The following FGF12 variants were observed in gnomAD, a reference collection of about 807,000 sequenced individuals.
FGF12 encodes fibroblast growth factor 12, also known as fibroblast growth factor 12B.
Under a neutral mutation model 23.6 loss-of-function variants are expected in FGF12, and 14 were observed. The observed-to-expected ratio is 0.59, with a 90% CI of 0.39 to 0.93. FGF12 has a LOEUF of 0.93. Ranked by LOEUF, FGF12 falls within the 40% of genes least tolerant of loss-of-function variation. The pLI, the probability that FGF12 is intolerant of heterozygous loss-of-function variation, is 0.00. For synonymous variants in FGF12, 62 were observed against 77.3 expected (o/e 0.80, Z 1.04); for missense variants, 175 against 217.8 (o/e 0.80, Z 1.24).
In FGF12 at chr3:192,382,534, T is replaced by TA. The variant is rs71635385; in HGVS notation, c.14-21997dup. On this transcript the variant is annotated intron_variant, in intron 2 of 5. Coordinates refer to ENST00000445105, the MANE Select transcript of FGF12 (RefSeq NM_004113.6). ...TGGTCTTCTCTATTACCTATAGCAA[T>TA]AAAAAAAAAATACGTTGGTATAAAA... is the stretch of plus-strand genomic sequence containing the variant. Among the ~76,000 whole-genome samples, 309 of 147,210 alleles carry TA rather than the reference T, an allele frequency of 2.1e-3. 3 individuals carry two copies. The highest frequency in any genetic ancestry group is 7.1e-3 in the African/African-American group (286 of 40,340).
chr3:192,485,024 G>A (rs1723592225), intron 2 of FGF12, among the ~76,000 whole-genome samples: 1 of 151,288 alleles, frequency 6.6e-6, no homozygotes, highest in Non-Finnish European at 1.5e-5. Context: ...AATTTTATAT[G>A]TGTACACATA....
chr3:192,457,940 T>C (rs745574545), intron 2 of FGF12, among the ~76,000 whole-genome samples: 2 of 152,172 alleles, frequency 1.3e-5, no homozygotes, highest in Non-Finnish European at 2.9e-5. Flanking sequence ...AGAGACTTGG[T>C]GCCCTCTGTC....
intron 4 of FGF12, among the ~76,000 whole-genome samples, chr3:192,208,851 G>A (rs1450871580): frequency 1.3e-5 from 2 of 152,152 alleles, no homozygotes; most frequent in African/African-American, 4.8e-5. Flanking sequence ...ATCTAACTTA[G>A]CTACTGTCTA....
chr3:192,554,791 G>GAAAAA (rs34936489), intron 2 of FGF12, among the ~76,000 whole-genome samples: 1 of 148,188 alleles, frequency 6.7e-6, no homozygotes. Flanking sequence ...ATGAGCTAAG[G>GAAAAA]AAAAAAAAAA....
intron 2 of FGF12, among the ~76,000 whole-genome samples, chr3:192,542,476 T>C (rs1018422193): frequency 6.6e-6 from 1 of 152,244 alleles, no homozygotes; most frequent in Non-Finnish European, 1.5e-5. Context: ...ATCACATATC[T>C]CTGTCTCTCT....
In FGF12 at chr3:192,408,695, C is replaced by T; in HGVS notation, c.14-48157G>A. 2.0e-6 allele frequency: 2 copies of T among 989,520 alleles called. No individual in the cohort carries two copies. Among genetic ancestry groups the T allele is most frequent in the Non-Finnish European group, 2.4e-6 (2 of 832,970 alleles). 61.3% of individuals were successfully genotyped at this position (989,520 alleles called of 1,614,324 possible). A position where few individuals can be genotyped will look rare whatever the true frequency, so the allele number is the denominator to read the frequency against. ...ACCTACACATACATACATAGAAAAC[C>T]CGTTTACAAAGCAGAGTCTGGACCC... On this transcript the variant is annotated intron_variant, in intron 2 of 5. Coordinates refer to ENST00000445105, the MANE Select transcript of FGF12 (RefSeq NM_004113.6). This position sits in a 1 kb window ranked among gnomAD's most constrained non-coding sequence, Gnocchi z 7.3.
At chr3:192,147,766 G>A (rs1160319155) in intron 5 of FGF12, among the ~76,000 whole-genome samples, 2 of 151,968 alleles carry the variant, frequency 1.3e-5, no homozygotes, top group Non-Finnish European at 2.9e-5. Context: ...TAAGAGTTTT[G>A]AATAAAATCA....
At chr3:192,682,788 G>A (rs985208143) in intron 2 of FGF12, among the ~76,000 whole-genome samples, 6 of 152,184 alleles carry the variant, frequency 3.9e-5, no homozygotes, top group African/African-American at 1.4e-4. Context: ...TTAGAGGGTT[G>A]CAACTTTGAG....
chr3:192,555,400 A>G (rs1711718854), intron 2 of FGF12, among the ~76,000 whole-genome samples: 1 of 152,200 alleles, frequency 6.6e-6, no homozygotes, highest in South Asian at 2.1e-4. Context: ...CTATAAAAGT[A>G]GTGCATAAAT....
chr3:192,352,612 T>C (rs1385202819), intron 3 of FGF12, among the ~76,000 whole-genome samples: 1 of 152,210 alleles, frequency 6.6e-6, no homozygotes, highest in Non-Finnish European at 1.5e-5. Context: ...GTGTATGAGC[T>C]CCTTGAAAAC....
rs139018710 is a variant in FGF12 at position 192,474,916 on chromosome 3, G to T, written c.14-114378C>A. On this transcript the variant is annotated intron_variant, in intron 2 of 5. Coordinates refer to ENST00000445105, the MANE Select transcript of FGF12 (RefSeq NM_004113.6). Reference sequence around the variant, plus strand: ...AAAAAAAAAAGAAAGAAAGGAAAAAGAAAAACAAAACAAAGCCCACAAAGA... The same window carrying T: ...AAAAAAAAAAGAAAGAAAGGAAAAATAAAAACAAAACAAAGCCCACAAAGA... Among the ~76,000 whole-genome samples, 1,260 of 149,678 alleles carry T rather than the reference G, an allele frequency of 8.4e-3. 16 individuals carry two copies. Among genetic ancestry groups the T allele is most frequent in the Middle Eastern group, 0.052 (15 of 290 alleles).
chr3:192,630,433 C>T (rs1715340364), intron 2 of FGF12, among the ~76,000 whole-genome samples: 1 of 150,570 alleles, frequency 6.6e-6, no homozygotes, highest in Non-Finnish European at 1.5e-5. Flanking sequence ...GAAATCAGGG[C>T]TAAAAAAAAA....
intron 2 of FGF12, among the ~76,000 whole-genome samples, chr3:192,613,136 AG>A (rs1318373851): frequency 6.6e-6 from 1 of 151,906 alleles, no homozygotes; most frequent in African/African-American, 2.4e-5. Context: ...CAAAGCAAAA[AG>A]TCTTGCTGAC....
intron 2 of FGF12, among the ~76,000 whole-genome samples, chr3:192,547,172 T>G (rs1725516146): frequency 6.6e-6 from 1 of 152,192 alleles, no homozygotes; most frequent in African/African-American, 2.4e-5. Context: ...GTGATGACTC[T>G]TTGGCTTTTT....
Position 192,336,452 on chromosome 3 carries a change from G to T in FGF12, c.125-988C>A, listed in dbSNP as rs6798854. Among the ~76,000 whole-genome samples the T allele has an allele frequency of 6.6e-6, 1 of 151,820 alleles. No homozygotes were observed. The highest frequency in any genetic ancestry group is 2.1e-4 in the South Asian group (1 of 4,806). ...TTATTTCAGTTACTTTTGAGATCAC[G>T]AAATGAGCATAAACAGAAAACACTG... is the stretch of plus-strand genomic sequence containing the variant. On this transcript the variant is annotated intron_variant, in intron 3 of 5. Coordinates refer to ENST00000445105, the MANE Select transcript of FGF12 (RefSeq NM_004113.6). The surrounding 1 kb of genome is among the most constrained non-coding windows in gnomAD (Gnocchi z 4.3).
chr3:192,357,834 G>A (rs1462793203), intron 3 of FGF12, among the ~76,000 whole-genome samples: 1 of 152,182 alleles, frequency 6.6e-6, no homozygotes, highest in Non-Finnish European at 1.5e-5. Flanking sequence ...GGTGAGAAGT[G>A]TAATTTTTAA....
chr3:192,534,173 T>A (rs1285570149), intron 2 of FGF12: 1 of 152,274 alleles, frequency 6.6e-6, no homozygotes, highest in Non-Finnish European at 1.5e-5. Flanking sequence ...GGTCAAATAT[T>A]TTCTAGTGAT....
intron 3 of FGF12, among the ~76,000 whole-genome samples, chr3:192,344,078 C>T (rs1014963800): frequency 3.3e-5 from 5 of 152,034 alleles, no homozygotes; most frequent in East Asian, 1.9e-4. Flanking sequence ...CTCCCACATG[C>T]GTAGTGTTCC....
intron 2 of FGF12, among the ~76,000 whole-genome samples, chr3:192,709,881 G>A (rs986766766): frequency 6.6e-6 from 1 of 152,156 alleles, no homozygotes; most frequent in African/African-American, 2.4e-5. Context: ...GTGATAGCAT[G>A]GAAGGTTCAT....
Sources: allele counts gnomAD v4.1 joint callset (sites outside exome capture counted in the v4.1 genomes callset), GRCh38; gene constraint gnomAD v4.1.1; non-coding constraint Gnocchi (gnomAD v3.1); transcripts MANE v1.5; gene names NCBI Gene and HGNC (gene_info 2026-07-23, HGNC 2026-07-21).